The following RIN2 variants were observed in gnomAD, a reference collection of about 807,000 sequenced individuals.
RIN2 encodes the protein RAB5 interacting protein 2.
RIN2 carries 36 observed loss-of-function variants against 78.0 expected under a neutral mutation model. That is an observed-to-expected ratio of 0.46 (90% CI 0.35 to 0.61). RIN2 has a LOEUF of 0.61. Among genes scored for constraint, RIN2 ranks in the 20% least tolerant of loss-of-function variants. The pLI, the probability that RIN2 is intolerant of heterozygous loss-of-function variation, is 0.00. For missense variants in RIN2, 1,087 were observed against 1,159.7 expected (o/e 0.94, Z 0.91); for synonymous variants, 466 against 466.8 (o/e 1.00, Z 0.02).
chr20:19,838,304 A>C lies in RIN2; in HGVS notation c.-37+38557A>C, dbSNP rs537557412. Among the ~76,000 whole-genome samples, 49 of 151,732 alleles carry C rather than the reference A, an allele frequency of 3.2e-4. No individual in the cohort carries two copies. The South Asian group carries it at 9.9e-3, about 31-fold the overall frequency. Reference sequence around the variant, plus strand: ...CCTGGTTAATTAATTAATTTACCCAATCAAGTTTAAGAGTGATGTTAATTT... The same window carrying C: ...CCTGGTTAATTAATTAATTTACCCACTCAAGTTTAAGAGTGATGTTAATTT... On this transcript the variant is annotated intron_variant, in intron 2 of 12. Transcript: ENST00000255006.
chr20:19,781,782 C>CTT (rs72107329), intron 1 of RIN2, among the ~76,000 whole-genome samples: 7 of 143,818 alleles, frequency 4.9e-5, no homozygotes, highest in African/African-American at 1.0e-4. Flanking sequence ...AGATTATACA[C>CTT]TTTTTTTTTT....
intron 2 of RIN2, chr20:19,886,812 A>G: frequency 7.4e-7 from 1 of 1,350,156 alleles, no homozygotes; most frequent in Non-Finnish European, 1.0e-6. Flanking sequence ...CTAGCCTGTT[A>G]CTGGGATGGT....
At chr20:19,981,858 C>A (rs1056516662) in intron 9 of RIN2, among the ~76,000 whole-genome samples, 9 of 152,216 alleles carry the variant, frequency 5.9e-5, no homozygotes, top group Admixed American at 4.6e-4. Context: ...TACAGGACAT[C>A]CCTGCAGAGT....
chr20:19,761,097 TC>T (rs1369956227), intron 1 of RIN2, among the ~76,000 whole-genome samples: 1 of 152,210 alleles, frequency 6.6e-6, no homozygotes, highest in Non-Finnish European at 1.5e-5. Context: ...CTGTAATGCC[TC>T]TGAAGAAAGC....
intron 3 of RIN2, among the ~76,000 whole-genome samples, chr20:19,933,173 C>T (rs541106720): frequency 4.6e-5 from 7 of 152,294 alleles, no homozygotes; most frequent in African/African-American, 1.4e-4. Flanking sequence ...CCAAGGTGAT[C>T]GGTTTAGACC....
At chr20:19,970,622 G>A (rs2042074569) in intron 7 of RIN2, among the ~76,000 whole-genome samples, 1 of 152,162 alleles carries the variant, frequency 6.6e-6, no homozygotes, top group South Asian at 2.1e-4. Flanking sequence ...AACTATGCTG[G>A]TTTTTCTCTC....
intron 11 of RIN2, among the ~76,000 whole-genome samples, chr20:19,995,353 G>T (rs2146411633): frequency 6.6e-6 from 1 of 151,454 alleles, no homozygotes; most frequent in Admixed American, 6.6e-5. Flanking sequence ...CTTCTCTGTA[G>T]CTGTGGCTCA....
Position 19,990,125 on chromosome 20 carries a change from C to T in RIN2, c.1882C>T (p.Leu628=). 1.9e-6 allele frequency: 3 copies of T among 1,602,248 alleles called. No individual in the cohort carries two copies. Among genetic ancestry groups the T allele is most frequent in the East Asian group, 2.3e-5 (1 of 44,398 alleles). ...CTCATGGAAGCAACTCAAGGAGAACCTGCAGCTTGTGCGGCAGAGGAATCC... is the reference window on the plus strand; with the variant it reads ...CTCATGGAAGCAACTCAAGGAGAACTTGCAGCTTGTGCGGCAGAGGAATCC... ...DGSWKQLKEN[L]QLVRQRNPQE... Residue 628 remains leucine, a synonymous_variant, in exon 10 of 13, where the codon CTG becomes TTG. Transcript: ENST00000255006.
At chr20:19,788,320 T>A (rs759508375) in intron 1 of RIN2, among the ~76,000 whole-genome samples, 7 of 151,268 alleles carry the variant, frequency 4.6e-5, no homozygotes, top group Non-Finnish European at 1.0e-4. Context: ...ATTGGCCAGG[T>A]GCATTGCCTC....
At chr20:19,967,936 G>A (rs1444392728) in intron 7 of RIN2, among the ~76,000 whole-genome samples, 2 of 152,186 alleles carry the variant, frequency 1.3e-5, no homozygotes, top group African/African-American at 4.8e-5. Context: ...CACTGAGACA[G>A]AAAAAGTGAA....
intron 2 of RIN2, chr20:19,889,068 G>A (rs1203522586): frequency 1.1e-6 from 1 of 915,470 alleles, no homozygotes; most frequent in East Asian, 1.2e-4. Flanking sequence ...GGGAAAAATA[G>A]AGCAATTTCT....
chr20:19,921,630 A>C (rs1025899695), intron 3 of RIN2, among the ~76,000 whole-genome samples: 1 of 152,090 alleles, frequency 6.6e-6, no homozygotes, highest in Non-Finnish European at 1.5e-5. Context: ...TCCAGGAAGA[A>C]CCCACCGAGC....
At chr20:19,846,090 C>T (rs2036773272) in intron 2 of RIN2, among the ~76,000 whole-genome samples, 1 of 152,086 alleles carries the variant, frequency 6.6e-6, no homozygotes, top group Non-Finnish European at 1.5e-5. Context: ...GGTCTATCTA[C>T]CTGTTTTGGT....
chr20:19,821,799 C>A (rs1039999270), intron 2 of RIN2, among the ~76,000 whole-genome samples: 1 of 152,172 alleles, frequency 6.6e-6, no homozygotes, highest in Non-Finnish European at 1.5e-5. Flanking sequence ...GTTCCTATTG[C>A]ACTGGTCACA....
intron 9 of RIN2, among the ~76,000 whole-genome samples, chr20:19,980,578 C>A (rs2042416756): frequency 1.3e-5 from 2 of 152,172 alleles, no homozygotes; most frequent in African/African-American, 4.8e-5. Context: ...AGTCTTTCTA[C>A]CTCCCAGGCA....
chr20:19,810,878 G>GT lies in RIN2; in HGVS notation c.-37+11145dup, dbSNP rs71198025. ...CCGGCTAAATTTTGTGTGTGTGTGT[G>GT]TTTTTTTTTTTTTTAGTAGAGACAG... On this transcript the variant is annotated intron_variant, in intron 2 of 12. Transcript: ENST00000255006. Among the ~76,000 whole-genome samples, 469 of 135,422 alleles carry GT rather than the reference G, an allele frequency of 3.5e-3. 1 individual carries two copies. The highest frequency in any genetic ancestry group is 0.011 in the East Asian group (52 of 4,600). The allele number at this position is 135,422 out of a possible 152,430, so 88.8% of individuals were successfully genotyped here.
At chr20:19,838,405 A>G (rs899188443) in intron 2 of RIN2, among the ~76,000 whole-genome samples, 24 of 152,232 alleles carry the variant, frequency 1.6e-4, no homozygotes, top group African/African-American at 4.6e-4. Context: ...TACATATTCA[A>G]GGTTCATCCA....
chr20:19,978,370 C>T (rs1252253705), intron 9 of RIN2, among the ~76,000 whole-genome samples: 5 of 152,054 alleles, frequency 3.3e-5, no homozygotes, highest in Non-Finnish European at 7.4e-5. Context: ...CACATGTATC[C>T]CTTTAGTATA....
intron 2 of RIN2, among the ~76,000 whole-genome samples, chr20:19,821,987 T>C (rs1259839973): frequency 6.6e-6 from 1 of 152,228 alleles, no homozygotes; most frequent in Non-Finnish European, 1.5e-5. Flanking sequence ...GTGCTTAGGC[T>C]GCAGAAGGTA....
Sources: gnomAD v4.1 joint callset for allele counts (sites outside exome capture counted in the v4.1 genomes callset) on GRCh38, gnomAD v4.1.1 for gene constraint, MANE v1.5 for transcripts, NCBI Gene and HGNC (gene_info 2026-07-23, HGNC 2026-07-21) for gene names.